Variants in FAM184A observed in about 807,000 individuals in gnomAD.
FAM184A encodes family with sequence similarity 184 member A.
In FAM184A, 99 loss-of-function variants were observed where a neutral mutation model predicts 143.8. The observed-to-expected ratio is 0.69, with a 90% confidence interval of 0.58 to 0.81. The LOEUF (loss-of-function observed/expected upper bound fraction) is 0.81, where lower values mean the gene tolerates loss of function less well. FAM184A is among the 40% of genes least tolerant of loss of function. The probability of loss-of-function intolerance (pLI) is 0.00; values close to 1 mark genes in which losing one functional copy is unlikely to be tolerated. For missense variants in FAM184A, 1,217 were observed against 1,310.5 expected, an observed-to-expected ratio of 0.93 and a Z score of 1.10; for synonymous variants, 427 against 446.4, an observed-to-expected ratio of 0.96 and a Z score of 0.55.
At chr6:119,097,017 AAG>A (rs1472871644) in intron 1 of FAM184A, among the ~76,000 whole-genome samples, 2 of 152,114 alleles carry the variant, frequency 1.3e-5, no homozygotes, top group African/African-American at 4.8e-5. Flanking sequence ...GTAGTTAAGA[AAG>A]AGGAATTCCC....
At chr6:119,118,235 G>A (rs985391282) in intron 1 of FAM184A, among the ~76,000 whole-genome samples, 1 of 152,178 alleles carries the variant, frequency 6.6e-6, no homozygotes, top group Non-Finnish European at 1.5e-5. Flanking sequence ...CCATTCACTA[G>A]CTATAAAATT....
intron 1 of FAM184A, among the ~76,000 whole-genome samples, chr6:119,132,040 G>C (rs1789547419): frequency 6.6e-6 from 1 of 152,064 alleles, no homozygotes; most frequent in Non-Finnish European, 1.5e-5. Context: ...TCCATTTCTA[G>C]CTAACTTGGT....
chr6:119,003,331 T>C (rs1784821532), intron 8 of FAM184A, among the ~76,000 whole-genome samples, 170 bp downstream of exon 8: 1 of 152,170 alleles, frequency 6.6e-6, no homozygotes, highest in South Asian at 2.1e-4. Context: ...ATGCAAAAAG[T>C]AAATCTGAAT....
At chr6:119,018,680 C>A (rs1582511743) in intron 4 of FAM184A, among the ~76,000 whole-genome samples, 1 of 152,228 alleles carries the variant, frequency 6.6e-6, no homozygotes, top group East Asian at 1.9e-4. Context: ...GGTGAGCCAA[C>A]TGAAATCAGA....
chr6:118,960,080 A>G lies in FAM184A; in HGVS notation c.*23T>C, dbSNP rs1393569447. On this transcript the variant is annotated 3_prime_UTR_variant, in exon 18 of 18. Transcript: ENST00000338891. The stretch of plus-strand genomic sequence containing the variant: ...TCATGCTCTTAGTAACAGTCTATAC[A>G]GAGCTGTGCCAACACAATTCTTTCA... 6.3e-7 allele frequency: 1 copy of G among 1,589,142 alleles called. No homozygotes were observed. Among genetic ancestry groups the G allele is most frequent in the Non-Finnish European group, 8.6e-7 (1 of 1,158,086 alleles).
At chr6:119,008,673 T>C (rs1785000591) in intron 6 of FAM184A, among the ~76,000 whole-genome samples, 1 of 152,196 alleles carries the variant, frequency 6.6e-6, no homozygotes, top group African/African-American at 2.4e-5. Context: ...ATGTACAAAC[T>C]GAGGGAATAC....
At chr6:119,102,456 G>A (rs1041556952) in intron 1 of FAM184A, among the ~76,000 whole-genome samples, 1 of 152,066 alleles carries the variant, frequency 6.6e-6, no homozygotes, top group African/African-American at 2.4e-5. Context: ...TATCAGGAAA[G>A]CAGAGAGCTA....
intron 1 of FAM184A, among the ~76,000 whole-genome samples, chr6:119,088,382 C>T (rs1002121913): frequency 1.3e-5 from 2 of 152,176 alleles, no homozygotes; most frequent in Non-Finnish European, 2.9e-5. Context: ...TCACTGCTTT[C>T]CTCATGGAGA....
intron 6 of FAM184A, 64 bp from the exon 7 acceptor site, chr6:119,006,672 A>C (rs962691531): frequency 7.9e-7 from 1 of 1,271,328 alleles, no homozygotes; most frequent in Admixed American, 2.6e-5. Context: ...TAGTCTTACA[A>C]TTTCTTCCTA....
intron 1 of FAM184A, among the ~76,000 whole-genome samples, chr6:119,120,340 T>A (rs2114860322): frequency 6.6e-6 from 1 of 152,356 alleles, no homozygotes; most frequent in Non-Finnish European, 1.5e-5. Context: ...GTATCTATAT[T>A]CATTCCTCTT....
At chr6:118,970,911 G>A (rs1334866888) in intron 14 of FAM184A, among the ~76,000 whole-genome samples, 2 of 152,046 alleles carry the variant, frequency 1.3e-5, no homozygotes, top group Admixed American at 6.6e-5. Context: ...TGTATACAAA[G>A]TTTCCAAGTT....
chr6:119,051,004 G>A (rs1415454259), intron 1 of FAM184A, among the ~76,000 whole-genome samples: 2 of 152,138 alleles, frequency 1.3e-5, no homozygotes, highest in African/African-American at 4.8e-5. Flanking sequence ...AGTGGAGGGT[G>A]GGAGGAGGGA....
intron 6 of FAM184A, among the ~76,000 whole-genome samples, chr6:119,007,252 T>C (rs989889368): frequency 6.6e-6 from 1 of 152,168 alleles, no homozygotes; most frequent in Non-Finnish European, 1.5e-5. Context: ...TTTAGGACAA[T>C]GCTATAAAGT....
intron 1 of FAM184A, chr6:119,025,712 G>T (rs1311055542): frequency 4.3e-6 from 2 of 463,980 alleles, no homozygotes; most frequent in African/African-American, 4.0e-5. Context: ...GTTATTTAAG[G>T]CTTTGAGATG....
At chr6:119,044,050 C>T (rs1186174754) in intron 1 of FAM184A, among the ~76,000 whole-genome samples, 1 of 152,060 alleles carries the variant, frequency 6.6e-6, no homozygotes, top group Non-Finnish European at 1.5e-5. Context: ...GTAGAGAGAA[C>T]CAATGAAACC....
intron 1 of FAM184A, among the ~76,000 whole-genome samples, chr6:119,103,022 C>T (rs1430209629): frequency 6.6e-6 from 1 of 152,058 alleles, no homozygotes; most frequent in East Asian, 1.9e-4. Context: ...GAGTAACCTC[C>T]AGCTCGGGAG....
intron 1 of FAM184A, among the ~76,000 whole-genome samples, chr6:119,091,217 T>A (rs1788355512): frequency 6.6e-6 from 1 of 152,188 alleles, no homozygotes; most frequent in Non-Finnish European, 1.5e-5. Flanking sequence ...TTGCATTTTT[T>A]AAGAATGTTA....
In FAM184A at chr6:118,975,343, G is replaced by A. The variant is rs1477825083; in HGVS notation, c.2584-135C>T. Reference sequence around the variant, plus strand: ...ATTGCTTCTTCAAAAGCAAACTGCTGAAATGAGAAAACCTCAAGGCCTGTT... The same window carrying A: ...ATTGCTTCTTCAAAAGCAAACTGCTAAAATGAGAAAACCTCAAGGCCTGTT... On this transcript the variant is annotated intron_variant, in intron 12 of 17. Transcript: ENST00000338891. 4 of 643,242 alleles carry A rather than the reference G, an allele frequency of 6.2e-6. No individual in the cohort carries two copies. In the African/African-American group the frequency reaches 7.3e-5, roughly 12 times the overall value. The allele number at this position is 643,242 out of a possible 1,614,324, so 39.8% of individuals were successfully genotyped here.
chr6:118,966,909 G>A lies in FAM184A; in HGVS notation c.2959C>T (p.Pro987Ser), dbSNP rs754111147. ...TCTGTAATCATCTGTATATCTTCTG[G>A]TTTTGATTCTCTCATTAGATATTTT... is the stretch of plus-strand genomic sequence containing the variant. The part of the protein sequence containing the change: ...EEKYLMRESK[P>S]EDIQMITELK... Residue 987 changes from proline (P) to serine (S), a missense_variant, in exon 15 of 18, where the codon CCA becomes TCA. Pro to Ser is a moderately conservative substitution (Grantham distance 74, BLOSUM62 -1). Transcript: ENST00000338891. The A allele has an allele frequency of 2.5e-6, 4 of 1,584,130 alleles. No individual in the cohort carries two copies. Among genetic ancestry groups the A allele is most frequent in the South Asian group, 1.1e-5 (1 of 89,242 alleles).
Sources: allele counts gnomAD v4.1 joint callset (sites outside exome capture counted in the v4.1 genomes callset), GRCh38; gene constraint gnomAD v4.1.1; transcripts MANE v1.5; gene names NCBI Gene and HGNC (gene_info 2026-07-23, HGNC 2026-07-21).